Variants in KRABD2 observed in about 807,000 individuals in gnomAD.
KRABD2 encodes KRAB domain containing 2.
At chr17:8,363,844 T>TATATATAATATATATATATA in the KRABD2 span, among the ~76,000 whole-genome samples, 8 of 84,036 alleles carry the variant, frequency 9.5e-5, no homozygotes, top group African/African-American at 3.5e-4. Context: ...TATATATATA[T>TATATATAATATATATATATA]ATATATATAT....
the KRABD2 span, chr17:8,376,019 T>A: frequency 2.4e-6 from 3 of 1,231,712 alleles, no homozygotes; most frequent in Non-Finnish European, 2.0e-6. Flanking sequence ...CTGATTGCCA[T>A]CTCTCCTTCA....
chr17:8,374,862 C>T, the KRABD2 span, among the ~76,000 whole-genome samples: 2 of 124,166 alleles, frequency 1.6e-5, no homozygotes, highest in Non-Finnish European at 3.2e-5. Flanking sequence ...GACATGAACC[C>T]GGGAGGTGGA....
the KRABD2 span, among the ~76,000 whole-genome samples, chr17:8,362,210 G>T: frequency 6.6e-6 from 1 of 152,018 alleles, no homozygotes; most frequent in Non-Finnish European, 1.5e-5. The surrounding 1 kb of genome is among the most constrained non-coding windows in gnomAD (Gnocchi z 4.2). Context: ...GGTGCCTGTA[G>T]TCCCAGCTAC....
chr17:8,374,802 T>A, the KRABD2 span, among the ~76,000 whole-genome samples: 1 of 149,032 alleles, frequency 6.7e-6, no homozygotes, highest in South Asian at 2.1e-4. Context: ...AAAAATTAGC[T>A]GGGCATGGTG....
At chr17:8,369,434 C>A in the KRABD2 span, 1 of 1,614,182 alleles carries the variant, frequency 6.2e-7, no homozygotes, top group African/African-American at 1.3e-5. Context: ...GATTCCTCAC[C>A]ATCTGCATGA....
the KRABD2 span, chr17:8,371,206 T>C: frequency 9.2e-7 from 1 of 1,082,610 alleles, no homozygotes; most frequent in Non-Finnish European, 1.4e-6. Context: ...AGTCTGTCCT[T>C]ATCTTGGGGA....
At chr17:8,367,536 G>A in the KRABD2 span, among the ~76,000 whole-genome samples, 5 of 151,442 alleles carry the variant, frequency 3.3e-5, no homozygotes, top group Non-Finnish European at 5.9e-5. Context: ...GGCAGTGCAC[G>A]CCTGTAGTCC....
chr17:8,375,928 A>G, the KRABD2 span: 1 of 1,229,332 alleles, frequency 8.1e-7, no homozygotes, highest in African/African-American at 1.6e-5. Context: ...GCTGTTTCCG[A>G]CTCGGAATGT....
chr17:8,363,794 A>C, the KRABD2 span, among the ~76,000 whole-genome samples: 1 of 143,204 alleles, frequency 7.0e-6, no homozygotes, highest in African/African-American at 2.6e-5. Context: ...ATACATATAT[A>C]TCATACATAT....
chr17:8,376,254 CG>C, the KRABD2 span: 1 of 1,229,612 alleles, frequency 8.1e-7, no homozygotes, highest in Non-Finnish European at 1.0e-6. Context: ...AGCAGCGGTA[CG>C]GCCGAGTCTA....
At chr17:8,366,309 TC>T in the KRABD2 span, among the ~76,000 whole-genome samples, 3 of 152,154 alleles carry the variant, frequency 2.0e-5, no homozygotes, top group Admixed American at 2.0e-4. Flanking sequence ...TGTGGCTGGG[TC>T]AGTCATCCTT....
At chr17:8,365,082 G>T in the KRABD2 span, among the ~76,000 whole-genome samples, 1 of 152,106 alleles carries the variant, frequency 6.6e-6, no homozygotes, top group Non-Finnish European at 1.5e-5. Context: ...ACATTTGCAA[G>T]CTGAGACTAG....
chr17:8,371,795 T>A, the KRABD2 span: 8 of 1,178,464 alleles, frequency 6.8e-6, no homozygotes, highest in Non-Finnish European at 7.4e-6. Context: ...CTGTTTCCAA[T>A]GGAAATATTA....
chr17:8,371,128 C>A, the KRABD2 span, among the ~76,000 whole-genome samples: 1 of 152,136 alleles, frequency 6.6e-6, no homozygotes, highest in African/African-American at 2.4e-5. Flanking sequence ...CGAGATTATA[C>A]CACTGCACTC....
chr17:8,371,566 T>G, the KRABD2 span: 6 of 1,559,354 alleles, frequency 3.8e-6, no homozygotes. Flanking sequence ...GCGAGTCAGG[T>G]GAATAAATGG....
the KRABD2 span, among the ~76,000 whole-genome samples, chr17:8,363,825 T>TCA: frequency 1.3e-5 from 1 of 74,276 alleles, no homozygotes; most frequent in Non-Finnish European, 2.6e-5. Context: ...CATATATATA[T>TCA]CATACATATA....
chr17:8,370,858 C>T, the KRABD2 span, among the ~76,000 whole-genome samples: 1 of 151,982 alleles, frequency 6.6e-6, no homozygotes, highest in Non-Finnish European at 1.5e-5. Flanking sequence ...GCTTCTGAGC[C>T]TTCCCATGAT....
At chr17:8,364,797 G>A in the KRABD2 span, among the ~76,000 whole-genome samples, 31 of 152,086 alleles carry the variant, frequency 2.0e-4, no homozygotes, top group Non-Finnish European at 2.9e-4. This position sits in a 1 kb window ranked among gnomAD's most constrained non-coding sequence, Gnocchi z 4.4. Context: ...ACTTTGGGAG[G>A]CCAAGGTGGG....
At chr17:8,362,206 T>C in the KRABD2 span, among the ~76,000 whole-genome samples, 1 of 151,960 alleles carries the variant, frequency 6.6e-6, no homozygotes, top group Non-Finnish European at 1.5e-5. The surrounding 1 kb of genome is among the most constrained non-coding windows in gnomAD (Gnocchi z 4.2). Context: ...GGCGGGTGCC[T>C]GTAGTCCCAG....
Sources: gnomAD v4.1 joint callset for allele counts (sites outside exome capture counted in the v4.1 genomes callset) on GRCh38, gnomAD v4.1.1 for gene constraint, Gnocchi (gnomAD v3.1) non-coding constraint, MANE v1.5 for transcripts, NCBI Gene and HGNC (gene_info 2026-07-23, HGNC 2026-07-21) for gene names.